The following FRMD4B variants were observed in gnomAD, a reference collection of about 807,000 sequenced individuals.
FRMD4B encodes FERM domain-containing protein 4B.
FRMD4B carries 74 observed loss-of-function variants against 141.5 expected under a neutral mutation model. The observed-to-expected ratio is 0.52, with a 90% CI of 0.43 to 0.63. FRMD4B has a LOEUF of 0.63. Among genes scored for constraint, FRMD4B ranks in the 30% least tolerant of loss-of-function variants. The pLI is 0.00. For missense variants in FRMD4B, 1,366 were observed against 1,253.4 expected, an observed-to-expected ratio of 1.09 and a Z score of -1.36; for synonymous variants, 506 against 467.9, an observed-to-expected ratio of 1.08 and a Z score of -1.05.
At chr3:69,500,567 T>G (rs975002955) in intron 1 of FRMD4B, among the ~76,000 whole-genome samples, 1 of 151,986 alleles carries the variant, frequency 6.6e-6, no homozygotes, top group Non-Finnish European at 1.5e-5. Context: ...TAACAAGGAA[T>G]GGGAGCCACC....
At chr3:69,461,623 CAAAAAAAAAAA>C (rs58143332) in intron 1 of FRMD4B, among the ~76,000 whole-genome samples, 5 of 43,468 alleles carry the variant, frequency 1.2e-4, no homozygotes, top group East Asian at 9.0e-4. Context: ...GACTCTGTCT[CAAAAAAAAAAA>C]AAAAAAAAAA....
At chr3:69,231,567 C>T (rs141397234) in intron 7 of FRMD4B, among the ~76,000 whole-genome samples, 123 of 152,338 alleles carry the variant, frequency 8.1e-4, no homozygotes, top group African/African-American at 2.4e-3. Context: ...GGATTACAGG[C>T]GTAAGCCACT....
At chr3:69,350,179 T>G (rs1236389287) in intron 1 of FRMD4B, among the ~76,000 whole-genome samples, 2 of 152,186 alleles carry the variant, frequency 1.3e-5, no homozygotes, top group African/African-American at 4.8e-5. Flanking sequence ...GAACAGACGC[T>G]TCTCAAAAGA....
intron 9 of FRMD4B, among the ~76,000 whole-genome samples, chr3:69,219,568 G>C (rs1007668316): frequency 1.3e-5 from 2 of 151,518 alleles, no homozygotes; most frequent in Admixed American, 6.6e-5. Context: ...ACACAATAAT[G>C]ATCAGGAGAA....
At chr3:69,370,960 G>A (rs1349791321) in intron 1 of FRMD4B, among the ~76,000 whole-genome samples, 3 of 152,232 alleles carry the variant, frequency 2.0e-5, no homozygotes, top group Non-Finnish European at 2.9e-5. Context: ...AGGCACTGAG[G>A]ATTCTAACAG....
At chr3:69,300,915 T>C in intron 4 of FRMD4B, among the ~76,000 whole-genome samples, 1 of 152,114 alleles carries the variant, frequency 6.6e-6, no homozygotes, top group East Asian at 1.9e-4. Context: ...TTTGTATTTT[T>C]AGTAGAGATG....
intron 7 of FRMD4B, among the ~76,000 whole-genome samples, chr3:69,240,342 G>A (rs966190052): frequency 2.6e-5 from 4 of 151,394 alleles, no homozygotes; most frequent in South Asian, 2.1e-4. Context: ...TTAGTCGGGC[G>A]TGGTGGCATG....
At chr3:69,244,861 C>T (rs1374016897) in intron 7 of FRMD4B, among the ~76,000 whole-genome samples, 1 of 152,120 alleles carries the variant, frequency 6.6e-6, no homozygotes, top group Non-Finnish European at 1.5e-5. Flanking sequence ...GTCTGGATAA[C>T]AGAGCAAGAC....
At chr3:69,402,719 G>A (rs914886483) in intron 2 of FRMD4B, among the ~76,000 whole-genome samples, 2 of 152,094 alleles carry the variant, frequency 1.3e-5, no homozygotes, top group African/African-American at 4.8e-5. Context: ...AGCTAAATAA[G>A]CAACCCAGAT....
At chr3:69,413,339 G>T (rs1439306315) in intron 2 of FRMD4B, among the ~76,000 whole-genome samples, 1 of 152,184 alleles carries the variant, frequency 6.6e-6, no homozygotes, top group Admixed American at 6.5e-5. Flanking sequence ...ACGAGGCACA[G>T]AGTAGTGATT....
chr3:69,455,557 G>A (rs1190349670), intron 1 of FRMD4B, among the ~76,000 whole-genome samples: 1 of 152,072 alleles, frequency 6.6e-6, no homozygotes, highest in African/African-American at 2.4e-5. Flanking sequence ...AAGAAACTAC[G>A]AACACGTCCG....
intron 2 of FRMD4B, among the ~76,000 whole-genome samples, chr3:69,423,545 G>A (rs1705020436): frequency 6.6e-6 from 1 of 152,170 alleles, no homozygotes; most frequent in African/African-American, 2.4e-5. Context: ...CCTAAGCATA[G>A]TGCTGAACTG....
chr3:69,196,142 T>C (rs2092901061), intron 14 of FRMD4B, 113 bp downstream of exon 14: 2 of 812,948 alleles, frequency 2.5e-6, no homozygotes, highest in South Asian at 3.7e-5. Flanking sequence ...CTTATTGACA[T>C]ACTTATTTAT....
chr3:69,264,315 G>A (rs2093547208), intron 5 of FRMD4B, among the ~76,000 whole-genome samples: 1 of 152,172 alleles, frequency 6.6e-6, no homozygotes, highest in African/African-American at 2.4e-5. Context: ...TTTTGCCACA[G>A]TTGTAGCTCC....
chr3:69,456,561 C>G (rs1292734598), intron 1 of FRMD4B, among the ~76,000 whole-genome samples: 1 of 152,136 alleles, frequency 6.6e-6, no homozygotes, highest in Non-Finnish European at 1.5e-5. Context: ...TCATTACTTT[C>G]AGAGCACTTA....
At chr3:69,443,151 C>G (rs928742803) in intron 1 of FRMD4B, among the ~76,000 whole-genome samples, 1 of 152,308 alleles carries the variant, frequency 6.6e-6, no homozygotes, top group South Asian at 2.1e-4. Flanking sequence ...GTCCCACCCC[C>G]TGACCCCCAG....
At chr3:69,403,827 C>T (rs545499845) in intron 2 of FRMD4B, among the ~76,000 whole-genome samples, 2 of 151,792 alleles carry the variant, frequency 1.3e-5, no homozygotes, top group African/African-American at 4.8e-5. Context: ...CCCACCTCAA[C>T]ACACACACAC....
chr3:69,189,493 T>C (rs922913732), intron 18 of FRMD4B, among the ~76,000 whole-genome samples: 1 of 152,176 alleles, frequency 6.6e-6, no homozygotes, highest in African/African-American at 2.4e-5. Flanking sequence ...GGTTTTGATA[T>C]TGGACTCCAG....
At chr3:69,344,435 G>T (rs986124988) in intron 1 of FRMD4B, among the ~76,000 whole-genome samples, 2 of 152,138 alleles carry the variant, frequency 1.3e-5, no homozygotes, top group African/African-American at 4.8e-5. Flanking sequence ...AATATATTTG[G>T]GTAATAGGGA....
Sources: gnomAD v4.1 joint callset for allele counts (sites outside exome capture counted in the v4.1 genomes callset) on GRCh38, gnomAD v4.1.1 for gene constraint, MANE v1.5 for transcripts, NCBI Gene and HGNC (gene_info 2026-07-23, HGNC 2026-07-21) for gene names.